The following ARHGEF7 variants were observed in gnomAD, a reference collection of about 807,000 sequenced individuals.
ARHGEF7 encodes PAK-interacting exchange factor beta.
In ARHGEF7, 33 loss-of-function variants were observed where a neutral mutation model predicts 109.8. The ratio of observed to expected loss-of-function variants is 0.30; its 90% confidence interval spans 0.23 to 0.40. The LOEUF is 0.40. ARHGEF7 is among the 10% of genes least tolerant of loss of function. ARHGEF7 has a pLI of 1.00. For missense variants in ARHGEF7, 938 were observed against 1,098.5 expected (o/e 0.85, Z 2.07); for synonymous variants, 458 against 424.6 (o/e 1.08, Z -0.97).
intron 2 of ARHGEF7, among the ~76,000 whole-genome samples, chr13:111,169,981 A>G (rs2077451590): frequency 1.3e-5 from 2 of 151,918 alleles, no homozygotes; most frequent in African/African-American, 4.9e-5. Flanking sequence ...AGATTGGGTG[A>G]TCAGAGCAGG....
chr13:111,291,150 A>G (rs990475765), intron 18 of ARHGEF7, among the ~76,000 whole-genome samples: 1 of 152,226 alleles, frequency 6.6e-6, no homozygotes, highest in African/African-American at 2.4e-5. Flanking sequence ...GGGAGGGGCC[A>G]GGGCTACTGT....
chr13:111,297,071 T>A (rs2153632410), intron 19 of ARHGEF7, among the ~76,000 whole-genome samples: 1 of 152,366 alleles, frequency 6.6e-6, no homozygotes, highest in South Asian at 2.1e-4. Context: ...CTTAATAATT[T>A]CTGAGATAAC....
At chr13:111,161,611 A>C (rs1464552246) in intron 2 of ARHGEF7, among the ~76,000 whole-genome samples, 1 of 152,190 alleles carries the variant, frequency 6.6e-6, no homozygotes, top group East Asian at 1.9e-4. Context: ...GTATATTTTA[A>C]ATCTTTACCC....
Position 111,190,986 on chromosome 13 carries a change from ACT to A in ARHGEF7, c.253-14302_253-14301del, listed in dbSNP as rs548179338. Among the ~76,000 whole-genome samples the A allele has an allele frequency of 2.5e-3, 378 of 151,966 alleles. 1 individual carries two copies. Among genetic ancestry groups the A allele is most frequent in the Non-Finnish European group, 3.7e-3 (253 of 67,964 alleles). On this transcript the variant is annotated intron_variant, in intron 2 of 21. Coordinates refer to ENST00000646102, the MANE Select transcript of ARHGEF7 (RefSeq NM_001354046.2). ...GTTCTGTTTTCCCATTGGAGAAAAA[ACT>A]GTTTTGTATCTACTAGGAACCATTC...
At chr13:111,158,229 C>A (rs537020691) in intron 2 of ARHGEF7, among the ~76,000 whole-genome samples, 1 of 152,218 alleles carries the variant, frequency 6.6e-6, no homozygotes, top group South Asian at 2.1e-4. Context: ...ATTAATGAGG[C>A]TTTTTTGCTT....
intron 7 of ARHGEF7, 105 bp downstream of exon 7, chr13:111,244,071 T>C (rs2088328140): frequency 8.2e-7 from 1 of 1,224,188 alleles, no homozygotes; most frequent in Non-Finnish European, 1.2e-6. Context: ...CAAAATTTAG[T>C]GTACCAGTTT....
At chr13:111,234,071 G>A (rs1294934297) in intron 6 of ARHGEF7, among the ~76,000 whole-genome samples, 1 of 152,048 alleles carries the variant, frequency 6.6e-6, no homozygotes, top group African/African-American at 2.4e-5. Context: ...GGGAAAATGC[G>A]CATTTGTTTT....
At chr13:111,143,667 T>C (rs929618027) in intron 1 of ARHGEF7, 1 of 152,222 alleles carries the variant, frequency 6.6e-6, no homozygotes, top group Non-Finnish European at 1.5e-5. Flanking sequence ...GAATCTGTAC[T>C]GCTCTCAGTT....
At chr13:111,289,440 G>A (rs748746488) in intron 18 of ARHGEF7, among the ~76,000 whole-genome samples, 15 of 152,198 alleles carry the variant, frequency 9.9e-5, no homozygotes, top group East Asian at 1.9e-4. Flanking sequence ...TGGCATCTGC[G>A]TGCCCACAAC....
chr13:111,223,443 T>C (rs72653524), intron 5 of ARHGEF7, among the ~76,000 whole-genome samples: 3,618 of 152,364 alleles, frequency 0.024, 73 homozygotes, highest in Middle Eastern at 0.11. Context: ...CAAATAGTTT[T>C]ACTGAGTAAA....
At chr13:111,213,731 G>GA (rs1418401534) in intron 4 of ARHGEF7, among the ~76,000 whole-genome samples, 53 of 152,102 alleles carry the variant, frequency 3.5e-4, no homozygotes, top group African/African-American at 1.3e-3. Flanking sequence ...TTAAAAAAGG[G>GA]AAAAAAACCC....
chr13:111,134,381 C>A (rs1324078932), intron 1 of ARHGEF7, among the ~76,000 whole-genome samples: 1 of 151,164 alleles, frequency 6.6e-6, no homozygotes, highest in Non-Finnish European at 1.5e-5. Flanking sequence ...GTCTTCCACA[C>A]TGGTTGAACT....
intron 19 of ARHGEF7, among the ~76,000 whole-genome samples, chr13:111,297,193 A>G (rs771534229): frequency 2.0e-5 from 3 of 152,236 alleles, no homozygotes; most frequent in Non-Finnish European, 4.4e-5. Context: ...AAACTTTTCA[A>G]TCATTTTAGA....
At chr13:111,225,504 GTTTTTTTGT>G (rs1566890583) in intron 5 of ARHGEF7, among the ~76,000 whole-genome samples, 1 of 149,820 alleles carries the variant, frequency 6.7e-6, no homozygotes, top group African/African-American at 2.5e-5. Flanking sequence ...CACTTTGCTT[GTTTTTTTGT>G]TTTTTTTTTT....
At chr13:111,210,030 A>G (rs1460055061) in intron 4 of ARHGEF7, 28 bp downstream of exon 4, 5 of 1,614,006 alleles carry the variant, frequency 3.1e-6, no homozygotes, top group Non-Finnish European at 4.2e-6. Context: ...TGTTACTTAA[A>G]TATGTTTGGG....
intron 13 of ARHGEF7, among the ~76,000 whole-genome samples, chr13:111,279,730 C>T (rs947802724): frequency 1.8e-4 from 28 of 152,224 alleles, no homozygotes; most frequent in African/African-American, 6.3e-4. Context: ...TCAGGGAGCA[C>T]TGGTTTGCCA....
intron 6 of ARHGEF7, among the ~76,000 whole-genome samples, chr13:111,243,258 T>C (rs756730842): frequency 6.6e-6 from 1 of 152,272 alleles, no homozygotes; most frequent in East Asian, 1.9e-4. Flanking sequence ...ATATTACATA[T>C]GTTAAAATAC....
At chr13:111,250,979 T>A (rs1031309793) in intron 8 of ARHGEF7, among the ~76,000 whole-genome samples, 1 of 152,180 alleles carries the variant, frequency 6.6e-6, no homozygotes, top group African/African-American at 2.4e-5. Flanking sequence ...GTAGGCTCTG[T>A]TAGGTAGACA....
chr13:111,129,972 T>C (rs1021235504), intron 1 of ARHGEF7, among the ~76,000 whole-genome samples: 1 of 152,212 alleles, frequency 6.6e-6, no homozygotes, highest in Non-Finnish European at 1.5e-5. Context: ...CTGGAAATAA[T>C]GCAGATGTTT....
Sources: gnomAD v4.1 joint callset for allele counts (sites outside exome capture counted in the v4.1 genomes callset) on GRCh38, gnomAD v4.1.1 for gene constraint, MANE v1.5 for transcripts, NCBI Gene and HGNC (gene_info 2026-07-23, HGNC 2026-07-21) for gene names.